Variants in IQSEC1 observed in about 807,000 individuals in gnomAD.
IQSEC1 encodes IQ motif and Sec7 domain ArfGEF 1.
Under a neutral mutation model 91.0 loss-of-function variants are expected in IQSEC1, and 31 were observed. The observed-to-expected ratio is 0.34, with a 90% confidence interval of 0.26 to 0.46. The LOEUF (loss-of-function observed/expected upper bound fraction) is 0.46, where lower values mean the gene tolerates loss of function less well. Among genes scored for constraint, IQSEC1 ranks in the 20% least tolerant of loss-of-function variants. The pLI, the probability that IQSEC1 is intolerant of heterozygous loss-of-function variation, is 1.00. For missense variants in IQSEC1, 1,388 were observed against 1,575.6 expected (o/e 0.88, Z 2.02); for synonymous variants, 699 against 662.6 (o/e 1.05, Z -0.84).
intron 2 of IQSEC1, among the ~76,000 whole-genome samples, chr3:13,154,479 A>ACACATACATATAT (rs1232431148): frequency 7.6e-6 from 1 of 131,692 alleles, no homozygotes; most frequent in African/African-American, 2.8e-5. Context: ...ATATATATGC[A>ACACATACATATAT]AAAACTGATA....
At chr3:13,185,231 A>T (rs1416739283) in intron 1 of IQSEC1, among the ~76,000 whole-genome samples, 3 of 152,064 alleles carry the variant, frequency 2.0e-5, no homozygotes, top group African/African-American at 7.2e-5. Flanking sequence ...TGTCAATGGG[A>T]GTTGTCACCT....
At chr3:13,006,592 C>T (rs761486102) in intron 1 of IQSEC1, among the ~76,000 whole-genome samples, 36 of 152,390 alleles carry the variant, frequency 2.4e-4, no homozygotes, top group African/African-American at 6.5e-4. Context: ...CTTCCAAACA[C>T]ACAATCACGT....
At position 13,120,899 on chromosome 3, in the gene IQSEC1, C is replaced by A. The variant is rs527377422; in HGVS notation, c.302+43205G>T. 1.1e-4 allele frequency among the ~76,000 whole-genome samples: 17 copies of A among 152,336 alleles called. No individual in the cohort carries two copies. The South Asian group carries it at 3.5e-3, about 32-fold the overall frequency. ...CGCACTCCTCTCTCAGAGAACTCAG[C>A]CTGCTGCATTAGGGATTAAATATGG... On this transcript the variant is annotated intron_variant, in intron 2 of 15. Transcript: ENST00000648114.
chr3:13,203,915 G>C (rs1382315717), intron 1 of IQSEC1, among the ~76,000 whole-genome samples: 2 of 152,202 alleles, frequency 1.3e-5, no homozygotes, highest in Non-Finnish European at 2.9e-5. Context: ...GGGTATGTGG[G>C]GCCTGGCAGA....
At chr3:13,187,089 T>G (rs966087551) in intron 1 of IQSEC1, among the ~76,000 whole-genome samples, 2 of 152,104 alleles carry the variant, frequency 1.3e-5, no homozygotes, top group African/African-American at 4.8e-5. Flanking sequence ...CCATCCATCC[T>G]TCTGCCCACT....
intron 1 of IQSEC1, among the ~76,000 whole-genome samples, chr3:13,241,052 G>A (rs929380602): frequency 2.0e-5 from 3 of 152,214 alleles, no homozygotes; most frequent in African/African-American, 7.2e-5. Context: ...CCAGGCACTT[G>A]ATGGTCTGAA....
rs553121161 is a variant in IQSEC1, at chr3:12,999,243, G to A, written c.24-57378C>T. On this transcript the variant is annotated intron_variant, in intron 1 of 13. Coordinates refer to ENST00000613206, the MANE Select transcript of IQSEC1 (RefSeq NM_001134382.3). ...TACTAAGACTCCTTACAACTCTGATGCCATACCAGCTCCAGAACCTTCTCC... is the reference window on the plus strand; with the variant it reads ...TACTAAGACTCCTTACAACTCTGATACCATACCAGCTCCAGAACCTTCTCC... Among the ~76,000 whole-genome samples, 12 of 152,196 alleles carry A rather than the reference G, an allele frequency of 7.9e-5. No individual in the cohort carries two copies. In the East Asian group the frequency reaches 1.9e-3, roughly 25 times the overall value.
chr3:13,077,875 T>A (rs767868875), upstream of IQSEC1, among the ~76,000 whole-genome samples: 3 of 152,180 alleles, frequency 2.0e-5, no homozygotes, highest in Non-Finnish European at 4.4e-5. Context: ...CTTGATATGC[T>A]CCTGAAATGG....
chr3:13,137,203 A>T (rs961835655), intron 2 of IQSEC1, among the ~76,000 whole-genome samples: 1 of 152,126 alleles, frequency 6.6e-6, no homozygotes, highest in Non-Finnish European at 1.5e-5. Context: ...CGGCAGGTCC[A>T]CTCTTAGCCA....
intron 1 of IQSEC1, among the ~76,000 whole-genome samples, chr3:13,038,275 T>C (rs1025435921): frequency 5.2e-5 from 6 of 115,476 alleles, no homozygotes; most frequent in Admixed American, 8.4e-5. Context: ...TATATATATA[T>C]ATATATATAT....
chr3:12,941,910 C>T (rs746256014), intron 1 of IQSEC1, 45 bp from the exon 2 acceptor site: 1 of 1,510,192 alleles, frequency 6.6e-7, no homozygotes, highest in Admixed American at 2.1e-5. Flanking sequence ...AGCGGGAAAT[C>T]TGAACACGAC....
chr3:12,903,950 G>A (rs889106148), intron 12 of IQSEC1, among the ~76,000 whole-genome samples: 2 of 152,276 alleles, frequency 1.3e-5, no homozygotes, highest in South Asian at 2.1e-4. Flanking sequence ...CTGCTCACCC[G>A]ACCGCCTCTA....
At chr3:13,001,618 G>C (rs1221570511) in intron 1 of IQSEC1, among the ~76,000 whole-genome samples, 1 of 152,236 alleles carries the variant, frequency 6.6e-6, no homozygotes, top group Admixed American at 6.5e-5. Context: ...TTGTTAAAAT[G>C]GGGGAGGAGT....
chr3:13,148,319 G>A (rs372846198), intron 2 of IQSEC1, among the ~76,000 whole-genome samples: 4 of 152,014 alleles, frequency 2.6e-5, no homozygotes, highest in South Asian at 2.1e-4. Flanking sequence ...GGTAAAATCC[G>A]GGGGCCCTCG....
chr3:13,152,810 C>T (rs1707021910), intron 2 of IQSEC1, among the ~76,000 whole-genome samples: 1 of 152,182 alleles, frequency 6.6e-6, no homozygotes, highest in Non-Finnish European at 1.5e-5. Flanking sequence ...GCAGAGGTTG[C>T]AGTGAGCCAA....
At chr3:13,129,957 C>T (rs1706583502) in intron 2 of IQSEC1, among the ~76,000 whole-genome samples, 1 of 151,994 alleles carries the variant, frequency 6.6e-6, no homozygotes, top group Non-Finnish European at 1.5e-5. Context: ...CGCGCCTGGC[C>T]ACACCTTATG....
Position 12,899,945 on chromosome 3 carries a change from G to A in IQSEC1, c.*1038C>T, listed in dbSNP as rs764372849. The A allele has an allele frequency of 7.5e-5, 74 of 985,242 alleles. No homozygotes were observed. The highest frequency in any genetic ancestry group is 8.4e-5 in the Non-Finnish European group (70 of 829,854). 61.0% of individuals were successfully genotyped at this position (985,242 alleles called of 1,614,324 possible). A position where few individuals can be genotyped will look rare whatever the true frequency, so the allele number is the denominator to read the frequency against. On this transcript the variant is annotated 3_prime_UTR_variant, in exon 14 of 14. Transcript: ENST00000613206. ...CTCGGAGGACTCTGAATGAGTGTGC[G>A]TCAAATCATATGCGCATAAAAGAAA... is the stretch of plus-strand genomic sequence containing the variant.
intron 1 of IQSEC1, among the ~76,000 whole-genome samples, chr3:13,039,367 C>T (rs1704165695): frequency 6.6e-6 from 1 of 152,242 alleles, no homozygotes; most frequent in African/African-American, 2.4e-5. Flanking sequence ...GAATAATTAA[C>T]AGCTTTGAGG....
Position 12,899,851 on chromosome 3 carries a change from G to A in IQSEC1, c.*1132C>T, listed in dbSNP as rs1303063957. Reference sequence around the variant, plus strand: ...CGGGATGAGGACGTTATGGTGTTGGGGAGACGAGGATGAGAGCTGGTCACT... The same window carrying A: ...CGGGATGAGGACGTTATGGTGTTGGAGAGACGAGGATGAGAGCTGGTCACT... On this transcript the variant is annotated 3_prime_UTR_variant, in exon 14 of 14. Coordinates refer to ENST00000613206, the MANE Select transcript of IQSEC1 (RefSeq NM_001134382.3). 3 of 985,200 alleles carry A rather than the reference G, an allele frequency of 3.0e-6. No homozygotes were observed. The highest frequency in any genetic ancestry group is 3.6e-6 in the Non-Finnish European group (3 of 829,922). The allele number at this position is 985,200 out of a possible 1,614,324, so 61.0% of individuals were successfully genotyped here.
Sources: allele counts gnomAD v4.1 joint callset (sites outside exome capture counted in the v4.1 genomes callset), GRCh38; gene constraint gnomAD v4.1.1; transcripts MANE v1.5; gene names NCBI Gene and HGNC (gene_info 2026-07-23, HGNC 2026-07-21).